PDLIM5: variants seen among roughly 807,000 people sequenced by gnomAD.
PDLIM5 encodes the protein PDZ and LIM domain protein 5.
PDLIM5 carries 34 observed loss-of-function variants against 64.2 expected under a neutral mutation model. That is an observed-to-expected ratio of 0.53 (90% CI 0.40 to 0.71). PDLIM5 has a LOEUF of 0.71. Among genes scored for constraint, PDLIM5 ranks in the 30% least tolerant of loss-of-function variants. The probability of loss-of-function intolerance (pLI) is 0.00; values close to 1 mark genes in which losing one functional copy is unlikely to be tolerated. For missense variants in PDLIM5, 683 were observed against 733.6 expected, an observed-to-expected ratio of 0.93 and a Z score of 0.80; for synonymous variants, 253 against 269.1, an observed-to-expected ratio of 0.94 and a Z score of 0.59.
chr4:94,522,594 T>C (rs1365856676), intron 2 of PDLIM5, among the ~76,000 whole-genome samples: 3 of 152,182 alleles, frequency 2.0e-5, no homozygotes, highest in East Asian at 3.9e-4. Context: ...CAGGCTGGTC[T>C]CAAACTTCTC....
At chr4:94,629,488 CA>C (rs758442488) in intron 8 of PDLIM5, among the ~76,000 whole-genome samples, 1 of 151,964 alleles carries the variant, frequency 6.6e-6, no homozygotes, top group Non-Finnish European at 1.5e-5. Flanking sequence ...TATCTCTGAC[CA>C]AATGGAAGTT....
chr4:94,593,517 G>T (rs1736835754), intron 7 of PDLIM5, among the ~76,000 whole-genome samples: 1 of 152,008 alleles, frequency 6.6e-6, no homozygotes, highest in East Asian at 1.9e-4. Flanking sequence ...TCTCTGTGGG[G>T]GCACAGAGAA....
intron 3 of PDLIM5, among the ~76,000 whole-genome samples, chr4:94,560,183 A>G (rs1321169919): frequency 6.6e-6 from 1 of 152,122 alleles, no homozygotes; most frequent in Non-Finnish European, 1.5e-5. Context: ...CCTGGGGGGA[A>G]TTCAGAAAAG....
In PDLIM5 at chr4:94,663,968, T is replaced by G. The variant is rs753754407; in HGVS notation, c.1702-10T>G. ...TAAATAATATCTCTTAAATGCTGCTTCTTTTTCAGGTGTGTTGTGAAAGTT... is the reference window on the plus strand; with the variant it reads ...TAAATAATATCTCTTAAATGCTGCTGCTTTTTCAGGTGTGTTGTGAAAGTT... On this transcript the variant is annotated splice_polypyrimidine_tract_variant and intron_variant, in intron 12 of 12. Transcript: ENST00000317968. The G allele has an allele frequency of 6.7e-5, 107 of 1,594,214 alleles. No individual in the cohort carries two copies. The highest frequency in any genetic ancestry group is 8.2e-5 in the Non-Finnish European group (96 of 1,163,902).
At chr4:94,652,680 A>C (rs1049197809) in intron 9 of PDLIM5, among the ~76,000 whole-genome samples, 11 of 152,194 alleles carry the variant, frequency 7.2e-5, no homozygotes, top group African/African-American at 2.7e-4. Context: ...ATTAGTAAAC[A>C]AAGGCATTCC....
At chr4:94,595,296 T>C (rs992385913) in intron 7 of PDLIM5, among the ~76,000 whole-genome samples, 2 of 152,196 alleles carry the variant, frequency 1.3e-5, no homozygotes, top group Admixed American at 6.5e-5. Context: ...GGCTTCCCAA[T>C]TGTCAAAGAA....
intron 7 of PDLIM5, among the ~76,000 whole-genome samples, chr4:94,616,404 A>C (rs1323627803): frequency 2.0e-5 from 3 of 152,202 alleles, no homozygotes. Context: ...TAATTATCTT[A>C]TTTAAGCCTC....
intron 3 of PDLIM5, chr4:94,550,091 T>C (rs1732679037): frequency 6.6e-6 from 1 of 151,968 alleles, no homozygotes; most frequent in Non-Finnish European, 1.5e-5. Flanking sequence ...ATATGGAAAT[T>C]ATATAGTAAT....
chr4:94,605,909 T>C (rs1737878379), intron 7 of PDLIM5, among the ~76,000 whole-genome samples: 1 of 151,714 alleles, frequency 6.6e-6, no homozygotes, highest in Non-Finnish European at 1.5e-5. Flanking sequence ...ATATTGATAA[T>C]AATTTATAAC....
rs371000280 is a variant in PDLIM5, at chr4:94,503,959, A to G, written c.97-19765A>G. On this transcript the variant is annotated intron_variant, in intron 2 of 12. Coordinates refer to ENST00000317968, the MANE Select transcript of PDLIM5 (RefSeq NM_006457.5). ...TTTATTCCCATTTGGAGTCATTACT[A>G]TTACATCTTTATGGGACAATTTAAA... Among the ~76,000 whole-genome samples the G allele has an allele frequency of 5.0e-4, 76 of 152,310 alleles. 2 individuals are homozygous for G. Among genetic ancestry groups the G allele is most frequent in the Middle Eastern group, 3.4e-3 (1 of 294 alleles).
At chr4:94,645,668 C>T (rs1190940209) in intron 9 of PDLIM5, among the ~76,000 whole-genome samples, 1 of 152,088 alleles carries the variant, frequency 6.6e-6, no homozygotes, top group Non-Finnish European at 1.5e-5. Flanking sequence ...AGAAAAAAGA[C>T]CAAAAGAGAA....
intron 5 of PDLIM5, among the ~76,000 whole-genome samples, chr4:94,576,822 C>T (rs1258239790): frequency 6.6e-6 from 1 of 152,080 alleles, no homozygotes; most frequent in Non-Finnish European, 1.5e-5. Context: ...ATTTGAACTA[C>T]ACATAGTTAT....
intron 3 of PDLIM5, among the ~76,000 whole-genome samples, chr4:94,535,417 T>G (rs1208568577): frequency 1.3e-5 from 2 of 152,152 alleles, no homozygotes; most frequent in Non-Finnish European, 2.9e-5. Context: ...ATTCTGCAAG[T>G]TCAATGTGGG....
intron 3 of PDLIM5, among the ~76,000 whole-genome samples, chr4:94,546,230 G>C (rs1261117198): frequency 1.3e-5 from 2 of 152,152 alleles, no homozygotes; most frequent in Non-Finnish European, 2.9e-5. Flanking sequence ...TGCATTGTCA[G>C]TACTGTCCCT....
chr4:94,574,038 T>C (rs982108509), intron 4 of PDLIM5, among the ~76,000 whole-genome samples: 3 of 152,202 alleles, frequency 2.0e-5, no homozygotes, highest in Admixed American at 2.0e-4. Context: ...TTTTGGATTC[T>C]TGGATTAGGG....
chr4:94,452,742 G>T (rs1022344026), intron 1 of PDLIM5, among the ~76,000 whole-genome samples: 1 of 152,170 alleles, frequency 6.6e-6, no homozygotes, highest in Non-Finnish European at 1.5e-5. Flanking sequence ...GGGCAGGGCA[G>T]ATTTAGGGTG....
At chr4:94,564,858 G>T (rs888540716) in intron 3 of PDLIM5, among the ~76,000 whole-genome samples, 1 of 150,944 alleles carries the variant, frequency 6.6e-6, no homozygotes, top group Non-Finnish European at 1.5e-5. Flanking sequence ...GGGTTTCACC[G>T]TGTTAGCCAG....
intron 2 of PDLIM5, among the ~76,000 whole-genome samples, chr4:94,514,034 A>G (rs1403289759): frequency 1.3e-5 from 2 of 151,820 alleles, no homozygotes; most frequent in East Asian, 3.9e-4. Flanking sequence ...TGATTAATTT[A>G]CATTTGTTTA....
intron 8 of PDLIM5, among the ~76,000 whole-genome samples, chr4:94,623,399 T>C (rs1338506479): frequency 6.6e-6 from 1 of 152,176 alleles, no homozygotes; most frequent in African/African-American, 2.4e-5. Context: ...TCCCTTCTAC[T>C]CCTGACAAAC....
Sources: gnomAD v4.1 joint callset for allele counts (sites outside exome capture counted in the v4.1 genomes callset) on GRCh38, gnomAD v4.1.1 for gene constraint, MANE v1.5 for transcripts, NCBI Gene and HGNC (gene_info 2026-07-23, HGNC 2026-07-21) for gene names.